MAPK10: variants seen among roughly 807,000 people sequenced by gnomAD.
The protein encoded by MAPK10 is mitogen-activated protein kinase 10.
A neutral mutation model predicts 59.3 loss-of-function variants in MAPK10; 25 were observed. The ratio of observed to expected loss-of-function variants is 0.42; its 90% CI spans 0.31 to 0.59. The LOEUF is 0.59. Ranked by LOEUF, MAPK10 falls within the 20% of genes least tolerant of loss-of-function variation. MAPK10 has a pLI of 0.15. For synonymous variants in MAPK10, 190 were observed against 200.5 expected, an observed-to-expected ratio of 0.95 and a Z score of 0.44; for missense variants, 351 against 568.9, an observed-to-expected ratio of 0.62 and a Z score of 3.90.
intron 4 of MAPK10, among the ~76,000 whole-genome samples, chr4:86,146,633 C>A (rs2065072924): frequency 6.6e-6 from 1 of 152,202 alleles, no homozygotes; most frequent in South Asian, 2.1e-4. Flanking sequence ...CTGTTTGGAG[C>A]CCTTACACGT....
chr4:86,161,197 GGACAGGAAACCAA>G (rs1562492029), intron 3 of MAPK10, among the ~76,000 whole-genome samples: 1 of 152,030 alleles, frequency 6.6e-6, no homozygotes, highest in Non-Finnish European at 1.5e-5. Flanking sequence ...TATGTTGCTT[GGACAGGAAACCAA>G]AAATTAAGTG....
intron 1 of MAPK10, among the ~76,000 whole-genome samples, chr4:86,560,903 A>G (rs528757359): frequency 3.9e-5 from 6 of 152,372 alleles, no homozygotes; most frequent in Admixed American, 3.9e-4. Context: ...GCCACTATAG[A>G]GTCCATGTCA....
At chr4:86,147,079 T>TTCC (rs979981580) in intron 4 of MAPK10, among the ~76,000 whole-genome samples, 3 of 152,022 alleles carry the variant, frequency 2.0e-5, no homozygotes, top group African/African-American at 7.3e-5. Context: ...TTTTTCTTTT[T>TTCC]TTCTTCTTCT....
At chr4:86,573,072 C>T (rs550892364) in intron 1 of MAPK10, among the ~76,000 whole-genome samples, 7 of 152,152 alleles carry the variant, frequency 4.6e-5, no homozygotes, top group Non-Finnish European at 1.0e-4. Flanking sequence ...TTGTCCCAAT[C>T]TGTGGCTTGT....
At chr4:86,399,192 C>T (rs561966555) in intron 1 of MAPK10, among the ~76,000 whole-genome samples, 2 of 152,324 alleles carry the variant, frequency 1.3e-5, no homozygotes, top group African/African-American at 4.8e-5. Flanking sequence ...CCGTTTTCCA[C>T]AGTGGCTGAA....
intron 2 of MAPK10, among the ~76,000 whole-genome samples, chr4:86,196,038 T>C (rs774075120): frequency 2.0e-5 from 3 of 152,238 alleles, no homozygotes; most frequent in African/African-American, 7.2e-5. Flanking sequence ...TAAGTGTGCA[T>C]ATGTCTTTAT....
intron 4 of MAPK10, among the ~76,000 whole-genome samples, chr4:86,138,991 C>CGGGGGCACCGACTA (rs1290200100): frequency 1.7e-5 from 1 of 57,224 alleles, no homozygotes. Context: ...TGAAGGACCT[C>CGGGGGCACCGACTA]TTCAAGGAGA....
At chr4:86,218,347 A>G (rs1227470946) in intron 2 of MAPK10, among the ~76,000 whole-genome samples, 2 of 151,908 alleles carry the variant, frequency 1.3e-5, no homozygotes, top group Non-Finnish European at 2.9e-5. Context: ...CGCCCGCCTA[A>G]TTTTTTCTAT....
chr4:86,092,193 G>C (rs1004688011), intron 9 of MAPK10, among the ~76,000 whole-genome samples: 4 of 151,952 alleles, frequency 2.6e-5, no homozygotes. Context: ...TGTACATATT[G>C]AATTTCATTT....
At chr4:86,535,056 C>T (rs1277598421) in intron 1 of MAPK10, among the ~76,000 whole-genome samples, 4 of 152,132 alleles carry the variant, frequency 2.6e-5, no homozygotes, top group Non-Finnish European at 5.9e-5. Context: ...TACCCTGGGA[C>T]TTAGAAAACC....
chr4:86,501,468 A>G (rs1486446512), intron 1 of MAPK10, among the ~76,000 whole-genome samples: 1 of 152,098 alleles, frequency 6.6e-6, no homozygotes, highest in Non-Finnish European at 1.5e-5. Flanking sequence ...TTCAAGTTAA[A>G]ACAGCTCTGT....
At position 86,132,978 on chromosome 4, in the gene MAPK10, C is replaced by G. The variant is rs183155763; in HGVS notation, c.237-25626G>C. On this transcript the variant is annotated intron_variant, in intron 4 of 13. Transcript: ENST00000641462. ...TAATGTGCTTGAATCATCCCCAAACCACCCCTCAAGCCCCAGGCCCATGGA... is the reference window on the plus strand; with the variant it reads ...TAATGTGCTTGAATCATCCCCAAACGACCCCTCAAGCCCCAGGCCCATGGA... Among the ~76,000 whole-genome samples the G allele has an allele frequency of 5.5e-3, 839 of 152,196 alleles. 2 individuals carry two copies. Among genetic ancestry groups the G allele is most frequent in the Middle Eastern group, 0.01 (3 of 294 alleles).
intron 2 of MAPK10, among the ~76,000 whole-genome samples, chr4:86,297,916 T>C (rs1442094585): frequency 6.6e-6 from 1 of 152,190 alleles, no homozygotes; most frequent in Non-Finnish European, 1.5e-5. Context: ...GGCCCCTGCT[T>C]ATTTCTCCAG....
intron 10 of MAPK10, among the ~76,000 whole-genome samples, chr4:86,066,013 C>A (rs1163486460): frequency 6.6e-6 from 1 of 152,076 alleles, no homozygotes; most frequent in Non-Finnish European, 1.5e-5. Flanking sequence ...CATATTTTTT[C>A]TAGTGCCGTT....
intron 3 of MAPK10, among the ~76,000 whole-genome samples, chr4:86,189,336 G>A (rs1453533378): frequency 1.3e-5 from 2 of 152,190 alleles, no homozygotes; most frequent in East Asian, 1.9e-4. Context: ...ACTTTAGGCA[G>A]TATGGCCATT....
intron 4 of MAPK10, among the ~76,000 whole-genome samples, chr4:86,137,876 A>C: frequency 6.7e-6 from 1 of 150,214 alleles, no homozygotes; most frequent in African/African-American, 2.5e-5. Flanking sequence ...CCACAGAAAT[A>C]CAAACTACCG....
At chr4:86,078,913 C>T (rs968505295) in intron 9 of MAPK10, among the ~76,000 whole-genome samples, 3 of 152,064 alleles carry the variant, frequency 2.0e-5, no homozygotes, top group Non-Finnish European at 4.4e-5. Flanking sequence ...CACCTGAACC[C>T]ATGAGGCACA....
chr4:86,151,847 T>A (rs957720437), intron 4 of MAPK10: 1 of 152,246 alleles, frequency 6.6e-6, no homozygotes, highest in African/African-American at 2.4e-5. Context: ...TAAATCATCA[T>A]GCCAGTGAAT....
chr4:86,451,600 C>A (rs1167646743), intron 1 of MAPK10, among the ~76,000 whole-genome samples: 1 of 151,996 alleles, frequency 6.6e-6, no homozygotes, highest in Non-Finnish European at 1.5e-5. Flanking sequence ...TACGGTGGGA[C>A]CAGAAAGTGA....
Sources: gnomAD v4.1 joint callset for allele counts (sites outside exome capture counted in the v4.1 genomes callset) on GRCh38, gnomAD v4.1.1 for gene constraint, MANE v1.5 for transcripts, NCBI Gene and HGNC (gene_info 2026-07-23, HGNC 2026-07-21) for gene names.